RALY: variants seen among roughly 807,000 people sequenced by gnomAD.
RALY encodes RALY heterogeneous nuclear ribonucleoprotein.
RALY carries 15 observed loss-of-function variants against 30.7 expected under a neutral mutation model. The observed-to-expected ratio is 0.49, with a 90% CI of 0.33 to 0.75. The LOEUF is 0.75. Ranked by LOEUF, RALY falls within the 30% of genes least tolerant of loss-of-function variation. The pLI, the probability that RALY is intolerant of heterozygous loss-of-function variation, is 0.02. For synonymous variants in RALY, 177 were observed against 170.8 expected, an observed-to-expected ratio of 1.04 and a Z score of -0.28; for missense variants, 339 against 414.3, an observed-to-expected ratio of 0.82 and a Z score of 1.58.
intron 2 of RALY, among the ~76,000 whole-genome samples, chr20:34,038,058 C>T (rs2032566472): frequency 6.6e-6 from 1 of 152,196 alleles, no homozygotes; most frequent in South Asian, 2.1e-4. Flanking sequence ...GCTGTCATAG[C>T]AAAGCAATAA....
chr20:34,003,625 T>A (rs948870442), intron 1 of RALY, among the ~76,000 whole-genome samples: 1 of 149,358 alleles, frequency 6.7e-6, no homozygotes, highest in Non-Finnish European at 1.5e-5. Context: ...TTGGTAAATA[T>A]GCCAAACAGT....
intron 1 of RALY, among the ~76,000 whole-genome samples, chr20:34,014,048 A>G (rs2123027995): frequency 6.6e-6 from 1 of 152,356 alleles, no homozygotes; most frequent in South Asian, 2.1e-4. Context: ...TTAATTATGT[A>G]GCTTCTGTTA....
chr20:34,040,306 T>C (rs537097577), intron 2 of RALY, among the ~76,000 whole-genome samples: 2 of 152,250 alleles, frequency 1.3e-5, no homozygotes, highest in African/African-American at 4.8e-5. Context: ...CATATGGATA[T>C]GGTAGCAAAG....
intron 7 of RALY, 67 bp from the exon 8 acceptor site, chr20:34,076,961 G>A: frequency 1.2e-6 from 2 of 1,608,026 alleles, no homozygotes; most frequent in Non-Finnish European, 1.7e-6. Flanking sequence ...CTTCCGCTAA[G>A]GTGCTGCCCT....
chr20:34,066,844 C>T (rs1258133832), intron 2 of RALY, among the ~76,000 whole-genome samples: 1 of 152,106 alleles, frequency 6.6e-6, no homozygotes, highest in African/African-American at 2.4e-5. Context: ...ACATTCATAC[C>T]ATAAGAGATA....
intron 2 of RALY, among the ~76,000 whole-genome samples, chr20:34,046,695 G>A (rs372831333): frequency 6.6e-6 from 1 of 151,444 alleles, no homozygotes. Flanking sequence ...TTATATATTT[G>A]TTATTCTTGT....
chr20:34,059,030 A>T (rs2033340037), intron 2 of RALY, among the ~76,000 whole-genome samples: 1 of 152,186 alleles, frequency 6.6e-6, no homozygotes, highest in Non-Finnish European at 1.5e-5. Context: ...CATCATTCTC[A>T]GTGGTCCCCT....
intron 2 of RALY, among the ~76,000 whole-genome samples, chr20:34,036,024 A>G (rs1009050825): frequency 2.0e-5 from 3 of 152,182 alleles, no homozygotes; most frequent in African/African-American, 7.2e-5. Context: ...GGAGATAGGA[A>G]TATGGAGAAG....
At position 34,003,841 on chromosome 20, in the gene RALY, G is replaced by A. The variant is rs371261328; in HGVS notation, c.-93+9710G>A. Among the ~76,000 whole-genome samples, 18 of 151,848 alleles carry A rather than the reference G, an allele frequency of 1.2e-4. No individual in the cohort carries two copies. The East Asian group carries it at 1.7e-3, about 15-fold the overall frequency. Reference sequence around the variant, plus strand: ...TTTTTAGTAGAGACAGGGTTTCACCGTTTTAGCCGGGATGGTCTCGATCTC... The same window carrying A: ...TTTTTAGTAGAGACAGGGTTTCACCATTTTAGCCGGGATGGTCTCGATCTC... On this transcript the variant is annotated intron_variant, in intron 1 of 9. Transcript: ENST00000246194.
intron 1 of RALY, among the ~76,000 whole-genome samples, chr20:34,028,965 T>C (rs1017734382): frequency 2.6e-5 from 4 of 152,046 alleles, no homozygotes; most frequent in African/African-American, 9.7e-5. Flanking sequence ...AGCCATGACT[T>C]TTTTTGAGCA....
intron 2 of RALY, among the ~76,000 whole-genome samples, chr20:34,032,269 A>C (rs895135335): frequency 2.0e-5 from 3 of 152,100 alleles, no homozygotes; most frequent in Non-Finnish European, 4.4e-5. Context: ...GGCCCCGTAG[A>C]GACTTTCTTA....
intron 1 of RALY, among the ~76,000 whole-genome samples, chr20:34,015,361 C>T (rs188425523): frequency 3.3e-5 from 5 of 151,794 alleles, no homozygotes; most frequent in Admixed American, 2.6e-4. Context: ...CCCCCTTTCT[C>T]CAGTCCTTCA....
intron 1 of RALY, among the ~76,000 whole-genome samples, chr20:34,026,153 G>T (rs527719019): frequency 3.0e-4 from 45 of 152,020 alleles, no homozygotes; most frequent in Non-Finnish European, 5.7e-4. Flanking sequence ...TTGGGCTGGG[G>T]CAGGGCAATA....
chr20:34,020,984 CAG>C (rs1318025167), intron 1 of RALY, among the ~76,000 whole-genome samples: 1 of 151,222 alleles, frequency 6.6e-6, no homozygotes, highest in Non-Finnish European at 1.5e-5. Context: ...TTTTTTGAGA[CAG>C]AGTCTCACTC....
At chr20:34,027,324 C>T (rs1487331757) in intron 1 of RALY, among the ~76,000 whole-genome samples, 3 of 152,210 alleles carry the variant, frequency 2.0e-5, no homozygotes, top group Non-Finnish European at 4.4e-5. Context: ...CACCTGTCTT[C>T]AGTTACCTTG....
chr20:34,020,147 G>A (rs2031764834), intron 1 of RALY, among the ~76,000 whole-genome samples: 1 of 152,156 alleles, frequency 6.6e-6, no homozygotes, highest in Non-Finnish European at 1.5e-5. Flanking sequence ...TGTTTTTCAA[G>A]AACTCCCAGT....
intron 1 of RALY, among the ~76,000 whole-genome samples, chr20:34,000,721 G>A (rs2030874638): frequency 6.6e-6 from 1 of 152,072 alleles, no homozygotes; most frequent in Non-Finnish European, 1.5e-5. Flanking sequence ...TTTCTTAGAG[G>A]GTACATACTT....
At chr20:34,028,142 C>T (rs2032114132) in intron 1 of RALY, among the ~76,000 whole-genome samples, 1 of 152,056 alleles carries the variant, frequency 6.6e-6, no homozygotes, top group African/African-American at 2.4e-5. Flanking sequence ...AAAAATTAGC[C>T]AGACGTGGTG....
At chr20:34,014,814 G>A (rs967965440) in intron 1 of RALY, among the ~76,000 whole-genome samples, 3 of 152,180 alleles carry the variant, frequency 2.0e-5, no homozygotes, top group Non-Finnish European at 2.9e-5. Context: ...GGTATTGGTT[G>A]TTAACCTTTA....
Sources: allele counts gnomAD v4.1 joint callset (sites outside exome capture counted in the v4.1 genomes callset), GRCh38; gene constraint gnomAD v4.1.1; transcripts MANE v1.5; gene names NCBI Gene and HGNC (gene_info 2026-07-23, HGNC 2026-07-21).